Variants in KMT2E observed in about 807,000 individuals in gnomAD.
KMT2E encodes histone reader KMT2E.
KMT2E carries 30 observed loss-of-function variants against 184.6 expected under a neutral mutation model. The ratio of observed to expected loss-of-function variants is 0.16; its 90% CI spans 0.12 to 0.22. KMT2E has a LOEUF of 0.22. Among genes scored for constraint, KMT2E ranks in the 10% least tolerant of loss-of-function variants. The pLI, the probability that KMT2E is intolerant of heterozygous loss-of-function variation, is 1.00. For missense variants in KMT2E, 2,023 were observed against 2,237.4 expected (o/e 0.90, Z 1.93); for synonymous variants, 815 against 776.5 (o/e 1.05, Z -0.82).
chr7:105,098,513 C>G (rs1049815406), intron 15 of KMT2E, among the ~76,000 whole-genome samples: 3 of 152,108 alleles, frequency 2.0e-5, no homozygotes, highest in South Asian at 4.1e-4. Flanking sequence ...TTAAGTGATT[C>G]TCCTGCCTCA....
intron 15 of KMT2E, among the ~76,000 whole-genome samples, chr7:105,095,962 A>G (rs1475106884): frequency 6.6e-6 from 1 of 152,028 alleles, no homozygotes; most frequent in African/African-American, 2.4e-5. Context: ...TAAATACTAA[A>G]AGAGACTTGT....
In KMT2E at chr7:105,041,073, T is replaced by C. The variant is rs774117937; in HGVS notation, c.71+50T>C. On this transcript the variant is annotated intron_variant, in intron 3 of 26. Coordinates refer to ENST00000311117, the MANE Select transcript of KMT2E (RefSeq NM_182931.3). ...AGCAAAAAAAAAAAAAAAACCCTTC[T>C]GGAGCTAGAAAGTAGGAAGAAGTAT... The C allele has an allele frequency of 1.2e-5, 13 of 1,048,872 alleles. No homozygotes were observed. In the South Asian group the frequency reaches 1.9e-4, roughly 16 times the overall value. The allele number at this position is 1,048,872 out of a possible 1,614,324, so 65.0% of individuals were successfully genotyped here.
chr7:105,023,166 A>G (rs534952666), intron 1 of KMT2E, among the ~76,000 whole-genome samples: 4 of 152,116 alleles, frequency 2.6e-5, no homozygotes, highest in Admixed American at 2.6e-4. Context: ...CTTAATTTCT[A>G]AGGGCCAAAA....
chr7:105,093,850 A>G (rs1798304023), intron 15 of KMT2E, among the ~76,000 whole-genome samples: 2 of 152,226 alleles, frequency 1.3e-5, no homozygotes, highest in African/African-American at 4.8e-5. Context: ...CCATTTTAAT[A>G]TATTCTGTCA....
At chr7:105,026,105 A>G (rs1010993968) in intron 1 of KMT2E, among the ~76,000 whole-genome samples, 7 of 152,180 alleles carry the variant, frequency 4.6e-5, no homozygotes, top group Non-Finnish European at 7.4e-5. Flanking sequence ...TTTAAGATAC[A>G]TGTATTATAA....
At chr7:105,041,705 C>A (rs781242628) in intron 3 of KMT2E, among the ~76,000 whole-genome samples, 2 of 151,944 alleles carry the variant, frequency 1.3e-5, no homozygotes, top group Non-Finnish European at 2.9e-5. Flanking sequence ...AGCCGGTGCT[C>A]GGGTATTTTT....
chr7:105,045,928 CT>C (rs1314353718), intron 3 of KMT2E, among the ~76,000 whole-genome samples: 2 of 152,126 alleles, frequency 1.3e-5, no homozygotes, highest in African/African-American at 4.8e-5. Flanking sequence ...AATGTTTCTT[CT>C]TTTTCTTAAA....
intron 3 of KMT2E, among the ~76,000 whole-genome samples, chr7:105,047,090 A>G (rs1260165986): frequency 1.3e-5 from 2 of 152,234 alleles, no homozygotes; most frequent in Non-Finnish European, 2.9e-5. Flanking sequence ...GGCACATAGG[A>G]TGCACTTAAT....
chr7:105,071,610 T>A (rs7798454), intron 6 of KMT2E, among the ~76,000 whole-genome samples: 609 of 37,210 alleles, frequency 0.016, no homozygotes, highest in East Asian at 0.023. Context: ...ATATATATAT[T>A]TTTTTTTTTT....
At chr7:105,081,213 C>G (rs1797752447) in intron 12 of KMT2E, among the ~76,000 whole-genome samples, 1 of 151,818 alleles carries the variant, frequency 6.6e-6, no homozygotes, top group Admixed American at 6.6e-5. Flanking sequence ...AAACTCGTCT[C>G]TACTAAAAAT....
chr7:105,047,076 T>G lies in KMT2E; in HGVS notation c.71+6053T>G, dbSNP rs370242165. 9.8e-4 allele frequency among the ~76,000 whole-genome samples: 149 copies of G among 152,360 alleles called. 2 individuals carry two copies. Among genetic ancestry groups the G allele is most frequent in the African/African-American group, 3.5e-3 (145 of 41,590 alleles). ...CAAAATTCTATGAGGCTTCTCCCCA[T>G]TGAGGCACATAGGATGCACTTAATT... On this transcript the variant is annotated intron_variant, in intron 3 of 26. Transcript: ENST00000311117.
intron 6 of KMT2E, among the ~76,000 whole-genome samples, chr7:105,069,425 A>T (rs1584754972): frequency 6.6e-6 from 1 of 152,224 alleles, no homozygotes; most frequent in East Asian, 1.9e-4. Flanking sequence ...GAGTAACAAC[A>T]CCAGCAACAC....
chr7:105,084,312 G>A (rs928246495), intron 13 of KMT2E, among the ~76,000 whole-genome samples: 1 of 152,182 alleles, frequency 6.6e-6, no homozygotes, highest in East Asian at 1.9e-4. Context: ...CTTTGTATAG[G>A]TCACATAGGT....
chr7:105,110,737 T>C (rs1799198713), intron 25 of KMT2E, 34 bp from the exon 26 acceptor site: 1 of 1,597,054 alleles, frequency 6.3e-7, no homozygotes, highest in African/African-American at 1.3e-5. Context: ...ATTGTGTAAT[T>C]TTATACTTAC....
chr7:105,063,678 G>A, intron 5 of KMT2E, 98 bp downstream of exon 5: 5 of 775,964 alleles, frequency 6.4e-6, no homozygotes, highest in South Asian at 2.0e-5. Context: ...GGGAATTAAT[G>A]GATACATATT....
chr7:105,068,639 G>GTT (rs1162488673), intron 6 of KMT2E, among the ~76,000 whole-genome samples: 9 of 111,520 alleles, frequency 8.1e-5, no homozygotes, highest in African/African-American at 1.2e-4. Context: ...TTTTTTTTTT[G>GTT]TTTTTTTTTT....
chr7:105,047,483 C>A (rs578170253), intron 3 of KMT2E, among the ~76,000 whole-genome samples: 24 of 152,288 alleles, frequency 1.6e-4, no homozygotes, highest in Admixed American at 8.5e-4. Flanking sequence ...TTTTATAGGT[C>A]AGAATTGGTC....
chr7:105,110,891 G>GGGTTCCAAAGGACTTTAGGTTGAGTGCA (rs2129570104), intron 26 of KMT2E, 23 bp downstream of exon 26: 1 of 1,520,982 alleles, frequency 6.6e-7, no homozygotes, highest in Admixed American at 1.7e-5. Flanking sequence ...ACCTTTCGAT[G>GGGTTCCAAAGGACTTTAGGTTGAGTGCA]GGTTCCAAAG....
intron 1 of KMT2E, among the ~76,000 whole-genome samples, chr7:105,030,787 G>T (rs1461626213): frequency 6.6e-6 from 1 of 152,124 alleles, no homozygotes; most frequent in Non-Finnish European, 1.5e-5. Context: ...CTATGTTTGG[G>T]AACCAGTGGT....
Sources: allele counts gnomAD v4.1 joint callset (sites outside exome capture counted in the v4.1 genomes callset), GRCh38; gene constraint gnomAD v4.1.1; transcripts MANE v1.5; gene names NCBI Gene and HGNC (gene_info 2026-07-23, HGNC 2026-07-21).